The following SGK1 variants were observed in gnomAD, a reference collection of about 807,000 sequenced individuals.
SGK1 encodes the protein serum/glucocorticoid regulated kinase 1, also known as serine/threonine-protein kinase Sgk1.
Under a neutral mutation model 64.2 loss-of-function variants are expected in SGK1, and 26 were observed. That is an observed-to-expected ratio of 0.40 (90% CI 0.30 to 0.56). SGK1 has a LOEUF of 0.56. Among genes scored for constraint, SGK1 ranks in the 20% least tolerant of loss-of-function variants. The pLI is 0.38. For missense variants in SGK1, 519 were observed against 645.6 expected (o/e 0.80, Z 2.12); for synonymous variants, 265 against 239.7 (o/e 1.11, Z -0.98).
chr6:134,255,412 G>A (rs997092783), intron 2 of SGK1, among the ~76,000 whole-genome samples: 11 of 151,856 alleles, frequency 7.2e-5, no homozygotes, highest in Non-Finnish European at 1.2e-4. Flanking sequence ...GCTGGGCTCA[G>A]TGGTTCATGC....
chr6:134,172,079 G>C (rs999652528), intron 10 of SGK1, 114 bp downstream of exon 10: 1 of 1,147,354 alleles, frequency 8.7e-7, no homozygotes, highest in Admixed American at 2.2e-5. Context: ...GCACTGAACT[G>C]TATTAAGAAG....
chr6:134,266,535 A>G (rs1040394962), intron 1 of SGK1, among the ~76,000 whole-genome samples: 8 of 152,216 alleles, frequency 5.3e-5, no homozygotes, highest in East Asian at 3.9e-4. Flanking sequence ...GAACGGCTTG[A>G]ACCTCGGAGG....
chr6:134,173,519 A>G lies in SGK1; in HGVS notation c.561T>C (p.His187=), dbSNP rs2114636334. The G allele has an allele frequency of 6.2e-7, 1 of 1,613,362 alleles. No individual in the cohort carries two copies. The highest frequency in any genetic ancestry group is 8.5e-7 in the Non-Finnish European group (1 of 1,179,838). Residue 187 remains histidine, a synonymous_variant, in exon 6 of 14, where the codon CAT becomes CAC. Coordinates refer to ENST00000367858, the MANE Select transcript of SGK1 (RefSeq NM_001143676.3). ...AGAAGTGAAAGTCAGATGGTTTAGC[A>G]TGAGGATTGGACGACGGGCCAAGGT... ...QINLGPSSNP[H]AKPSDFHFLK... is the part of the protein sequence containing the mutation.
At chr6:134,200,254 G>A (rs987154620) in intron 3 of SGK1, among the ~76,000 whole-genome samples, 1 of 152,188 alleles carries the variant, frequency 6.6e-6, no homozygotes, top group East Asian at 1.9e-4. Context: ...ACAAAAGTGT[G>A]AGCAGTAAGA....
At chr6:134,306,381 A>G (rs1251225706) in intron 1 of SGK1, among the ~76,000 whole-genome samples, 1 of 151,944 alleles carries the variant, frequency 6.6e-6, no homozygotes, top group African/African-American at 2.4e-5. Context: ...CAAGATCGCA[A>G]CACTGCACTC....
chr6:134,317,451 T>C lies in SGK1; in HGVS notation c.10A>G (p.Lys4Glu), dbSNP rs771674804. MVN[K>E]DMNGFPVKKC... is the part of the protein sequence containing the mutation. ...TTGACTGGGAATCCATTCATGTCTT[T>C]GTTTACCATTTTCCACCGTGGGGAA... Residue 4 changes from lysine (K) to glutamate (E), a missense_variant, in exon 1 of 14, where the codon AAA (lysine) becomes GAA (glutamate). By Grantham distance (56) the Lys-to-Glu change is moderately conservative (BLOSUM62 1). Around this residue, in one of 2 missense-constraint regions of SGK1, gnomAD observed 241 missense variants for 236.9 expected, o/e 1.02. Transcript: ENST00000367858. The C allele has an allele frequency of 6.2e-7, 1 of 1,608,734 alleles. No individual in the cohort carries two copies. The highest frequency in any genetic ancestry group is 2.2e-5 in the East Asian group (1 of 44,854).
intron 2 of SGK1, among the ~76,000 whole-genome samples, chr6:134,242,745 G>T (rs758641417): frequency 6.6e-6 from 1 of 151,806 alleles, no homozygotes; most frequent in Admixed American, 6.6e-5. Context: ...GATTACAGGC[G>T]TGAGCCACTG....
At chr6:134,242,571 C>T (rs1776465652) in intron 2 of SGK1, among the ~76,000 whole-genome samples, 1 of 151,530 alleles carries the variant, frequency 6.6e-6, no homozygotes, top group African/African-American at 2.4e-5. Context: ...GGGAAATTTA[C>T]CCACAGTTGC....
At position 134,260,377 on chromosome 6, in the gene SGK1, C is replaced by CCT. The variant is rs1357176571; in HGVS notation, c.285+1555_285+1556insAG. The CCT allele has an allele frequency of 3.6e-5, 5 of 139,290 alleles. No individual in the cohort carries two copies. The East Asian group carries it at 6.7e-4, about 19-fold the overall frequency. The allele number at this position is 139,290 out of a possible 1,614,324, so 8.6% of individuals were successfully genotyped here. A position where few individuals can be genotyped will look rare whatever the true frequency, so the allele number is the denominator to read the frequency against. ...TGTCTCCCTGTCCCCGACCCCCACC[C>CCT]CCCCCAAAAAAAGGGCCGGCGTAGT... is the stretch of plus-strand genomic sequence containing the variant. On this transcript the variant is annotated intron_variant, in intron 2 of 13. Transcript: ENST00000367858.
chr6:134,248,454 T>A (rs1266316542), intron 2 of SGK1, among the ~76,000 whole-genome samples: 3 of 146,478 alleles, frequency 2.0e-5, no homozygotes, highest in African/African-American at 7.7e-5. Flanking sequence ...CCTTTTTTTT[T>A]TTTTTTTTTT....
intron 1 of SGK1, among the ~76,000 whole-genome samples, chr6:134,265,403 T>C (rs113403124): frequency 0.051 from 7,687 of 151,652 alleles, 297 homozygotes; most frequent in Non-Finnish European, 0.074. Context: ...GAGGTTGTGG[T>C]GAACCAAGAT....
chr6:134,213,846 A>G (rs1170934210), intron 2 of SGK1, among the ~76,000 whole-genome samples: 1 of 151,972 alleles, frequency 6.6e-6, no homozygotes, highest in Admixed American at 6.6e-5. Context: ...AGGAGGGGCA[A>G]AAACGTGATA....
chr6:134,299,581 A>G (rs1348439746), intron 1 of SGK1, among the ~76,000 whole-genome samples: 1 of 152,140 alleles, frequency 6.6e-6, no homozygotes, highest in African/African-American at 2.4e-5. Flanking sequence ...CAGAACAGGG[A>G]GGACTTTGAA....
Position 134,169,975 on chromosome 6 carries a change from G to T in SGK1, c.*293C>A, listed in dbSNP as rs963894699. The T allele has an allele frequency of 9.3e-5, 20 of 214,656 alleles. No individual in the cohort carries two copies. The highest frequency in any genetic ancestry group is 1.5e-4 in the Non-Finnish European group (16 of 107,324). 13.3% of individuals were successfully genotyped at this position (214,656 alleles called of 1,614,324 possible). A position where few individuals can be genotyped will look rare whatever the true frequency, so the allele number is the denominator to read the frequency against. Reference sequence around the variant, plus strand: ...TCTGCAGGAGACCTTTTTTAGAACAGCGTCCGCTTTCTAACGAAACTCCTG... The same window carrying T: ...TCTGCAGGAGACCTTTTTTAGAACATCGTCCGCTTTCTAACGAAACTCCTG... On this transcript the variant is annotated 3_prime_UTR_variant, in exon 14 of 14. Coordinates refer to ENST00000367858, the MANE Select transcript of SGK1 (RefSeq NM_001143676.3).
intron 3 of SGK1, among the ~76,000 whole-genome samples, chr6:134,189,510 C>T (rs1237032557): frequency 6.6e-6 from 1 of 152,150 alleles, no homozygotes; most frequent in Non-Finnish European, 1.5e-5. Flanking sequence ...TTTGTTTATA[C>T]AATTTTGCTT....
intron 2 of SGK1, among the ~76,000 whole-genome samples, chr6:134,247,654 T>C (rs568735394): frequency 5.3e-5 from 8 of 152,268 alleles, no homozygotes; most frequent in African/African-American, 1.7e-4. Context: ...ACTCGACCGA[T>C]TGGGAAAGCA....
At chr6:134,285,479 A>C (rs1460514135) in intron 1 of SGK1, among the ~76,000 whole-genome samples, 1 of 110,526 alleles carries the variant, frequency 9.0e-6, no homozygotes. Context: ...CTCTGCCTCA[A>C]AAAAAAAAAA....
intron 2 of SGK1, among the ~76,000 whole-genome samples, chr6:134,246,751 C>T (rs1776531071): frequency 6.6e-6 from 1 of 151,942 alleles, no homozygotes; most frequent in South Asian, 2.1e-4. Context: ...TGCCACCACA[C>T]CCAGCTAATT....
rs368071051 is a variant in SGK1, at chr6:134,296,917, C to G, written c.69+20475G>C. ...TCAGGTGGGTCTCCTGTTCCCTGTC[C>G]TACCCTGCACAGGGGCCTCCCTCCT... On this transcript the variant is annotated intron_variant, in intron 1 of 13. Coordinates refer to ENST00000367858, the MANE Select transcript of SGK1 (RefSeq NM_001143676.3). The G allele has an allele frequency of 8.7e-5, 31 of 358,298 alleles. 1 individual carries two copies. Among genetic ancestry groups the G allele is most frequent in the African/African-American group, 5.2e-4 (24 of 46,358 alleles). The allele number at this position is 358,298 out of a possible 1,614,324, so 22.2% of individuals were successfully genotyped here.
Sources: allele counts gnomAD v4.1 joint callset (sites outside exome capture counted in the v4.1 genomes callset), GRCh38; gene constraint gnomAD v4.1.1; regional missense constraint gnomAD v4.1.1; transcripts MANE v1.5; gene names NCBI Gene and HGNC (gene_info 2026-07-23, HGNC 2026-07-21).